The following CERS2 variants were observed in gnomAD, a reference collection of about 807,000 sequenced individuals.
CERS2 encodes LAG1 homolog, ceramide synthase 2.
A neutral mutation model predicts 56.6 loss-of-function variants in CERS2; 20 were observed. The observed-to-expected ratio is 0.35, with a 90% CI of 0.25 to 0.51. The LOEUF (loss-of-function observed/expected upper bound fraction) is 0.51, where lower values mean the gene tolerates loss of function less well. CERS2 is among the 20% of genes least tolerant of loss of function. CERS2 has a pLI of 0.96. For missense variants in CERS2, 361 were observed against 488.6 expected (o/e 0.74, Z 2.46); for synonymous variants, 187 against 175.4 (o/e 1.07, Z -0.52).
chr1:150,967,080 C>G lies in CERS2; in HGVS notation c.735G>C (p.Leu245=). 1 of 1,614,054 alleles carries G rather than the reference C, an allele frequency of 6.2e-7. No individual in the cohort carries two copies. The highest frequency in any genetic ancestry group is 8.5e-7 in the Non-Finnish European group (1 of 1,179,958). The change falls in exon 8 of 11, where the codon CTG becomes CTC. Residue 245 remains leucine (L), a synonymous_variant. Coordinates refer to ENST00000368954, the MANE Select transcript of CERS2 (RefSeq NM_022075.5). ...AGATTTGAGGAAGCCTGACCTCCAG[C>G]AGGTAATCGGAAGAGTCATGCAGAG... ...IMALHDSSDY[L]LESAKMFNYA... is the part of the protein sequence containing the mutation.
chr1:150,967,661 T>C lies in CERS2; in HGVS notation c.519+3A>G, dbSNP rs1277878720. ...CCCCCACATGAGGAAGCAGAACTCA[T>C]ACCTGTATGGGATATCCCTCCCAAA... On this transcript the variant is annotated splice_donor_region_variant and intron_variant, in intron 6 of 10. Coordinates refer to ENST00000368954, the MANE Select transcript of CERS2 (RefSeq NM_022075.5). The C allele has an allele frequency of 4.3e-6, 7 of 1,611,944 alleles. No homozygotes were observed. The highest frequency in any genetic ancestry group is 3.3e-5 in the Admixed American group (2 of 60,000).
intron 1 of CERS2, 116 bp from the exon 2 acceptor site, chr1:150,969,207 A>G: frequency 1.2e-6 from 1 of 829,750 alleles, no homozygotes; most frequent in Non-Finnish European, 1.9e-6. Context: ...GTCGAACTCT[A>G]GATCCCTATC....
Position 150,968,234 on chromosome 1 carries a change from T to A in CERS2, c.292-33A>T, listed in dbSNP as rs1325810596. Reference sequence around the variant, plus strand: ...CAGTGAAGAAGCCCATTGTTATGTTTACCTTCGGAACTCAGCAGCATCCCC... The same window carrying A: ...CAGTGAAGAAGCCCATTGTTATGTTAACCTTCGGAACTCAGCAGCATCCCC... On this transcript the variant is annotated intron_variant, in intron 3 of 10. Coordinates refer to ENST00000368954, the MANE Select transcript of CERS2 (RefSeq NM_022075.5). The A allele has an allele frequency of 8.8e-6, 14 of 1,598,046 alleles. No individual in the cohort carries two copies. The South Asian group carries it at 1.2e-4, about 14-fold the overall frequency.
At chr1:150,968,262 C>G in intron 3 of CERS2, 61 bp from the exon 4 acceptor site, 2 of 1,544,094 alleles carry the variant, frequency 1.3e-6, no homozygotes, top group South Asian at 2.2e-5. Context: ...GCATCCCCAG[C>G]CTCTCCCAGT....
At chr1:150,971,616 G>A (rs1175383943) in intron 1 of CERS2, among the ~76,000 whole-genome samples, 2 of 151,996 alleles carry the variant, frequency 1.3e-5, no homozygotes, top group East Asian at 1.9e-4. Flanking sequence ...ACAGATGGAA[G>A]CCTTCTGAAC....
At chr1:150,968,267 C>T (rs587677688) in intron 3 of CERS2, 66 bp from the exon 4 acceptor site, 2 of 1,531,268 alleles carry the variant, frequency 1.3e-6, no homozygotes, top group East Asian at 4.5e-5. Context: ...CCCAGCCTCT[C>T]CCAGTAACAA....
rs3835665 is a variant in CERS2, at chr1:150,965,488, AAGG to A, written c.*657_*659del. On this transcript the variant is annotated 3_prime_UTR_variant, in exon 11 of 11. Transcript: ENST00000368954. ...GAGGGAAGGGGGAAGAGGCCAGAGA[AAGG>A]AGGAGGCAGTCAGATCTTAGACCTG... The A allele has an allele frequency of 0.34, 51,716 of 152,354 alleles. 9,269 individuals are homozygous for A. The highest frequency in any genetic ancestry group is 0.51 in the South Asian group (2,458 of 4,818). 9.4% of individuals were successfully genotyped at this position (152,354 alleles called of 1,614,324 possible).
chr1:150,970,688 T>A (rs1399447254), intron 1 of CERS2, among the ~76,000 whole-genome samples: 1 of 149,922 alleles, frequency 6.7e-6, no homozygotes, highest in Non-Finnish European at 1.5e-5. Flanking sequence ...AATTTTTGAA[T>A]TTTTTTTTTG....
At chr1:150,968,836 T>G (rs1184042569) in intron 2 of CERS2, 82 bp downstream of exon 2, 4 of 1,378,072 alleles carry the variant, frequency 2.9e-6, no homozygotes, top group Non-Finnish European at 4.0e-6. Flanking sequence ...AAGGGCTAAT[T>G]AAACAGCAAG....
At position 150,966,325 on chromosome 1, in the gene CERS2, T is replaced by G. The variant is rs1235483529; in HGVS notation, c.1003-37A>C. 1.9e-6 allele frequency: 3 copies of G among 1,608,370 alleles called. No individual in the cohort carries two copies. The South Asian group carries it at 3.3e-5, about 18-fold the overall frequency. ...GGACAAGAAGGGTTATTACATGAGA[T>G]CCTCAAACCCCTAAGTACTGCTTCT... On this transcript the variant is annotated intron_variant, in intron 10 of 10. Transcript: ENST00000368954.
At chr1:150,972,068 G>T in intron 1 of CERS2, 1 of 373,490 alleles carries the variant, frequency 2.7e-6, no homozygotes, top group South Asian at 2.0e-5. Context: ...CTGCAAAACA[G>T]GGGGTGGGGG....
intron 6 of CERS2, 56 bp from the exon 7 acceptor site, chr1:150,967,540 A>G (rs1438146322): frequency 2.7e-5 from 38 of 1,394,338 alleles, no homozygotes; most frequent in Admixed American, 3.4e-5. Context: ...CCCACTCCAC[A>G]AACCCCCTAG....
Position 150,966,164 on chromosome 1 carries a change from T to C in CERS2, c.1127A>G (p.His376Arg). ...AGTAATGGTTCAGTCATTCTTACGA[T>C]GGTTGTTATTGAGGATGGGGTGGCC... ...ANGHPILNNN[H>R]RKND Residue 376 changes from histidine (H) to arginine (R), a missense_variant, in exon 11 of 11, where the codon CAT (histidine) becomes CGT (arginine). Physicochemically the swap from His to Arg is conservative, Grantham distance 29. Around this residue, in one of 3 missense-constraint regions of CERS2, gnomAD observed 122 missense variants for 151.9 expected, o/e 0.80. Transcript: ENST00000368954. 1.2e-6 allele frequency: 2 copies of C among 1,609,132 alleles called. No homozygotes were observed. The highest frequency in any genetic ancestry group is 1.7e-6 in the Non-Finnish European group (2 of 1,178,744).
chr1:150,969,805 G>A (rs587742237), intron 1 of CERS2, among the ~76,000 whole-genome samples: 5 of 152,126 alleles, frequency 3.3e-5, no homozygotes, highest in Admixed American at 1.3e-4. Flanking sequence ...CCACTTCCTC[G>A]AGCCTCCAAG....
rs746609596 is a variant in CERS2 at position 150,967,644 on chromosome 1, T to A, written c.519+20A>T. On this transcript the variant is annotated intron_variant, in intron 6 of 10. Transcript: ENST00000368954. ...GGGTGTGTCTTAGTCCACCCCCACA[T>A]GAGGAAGCAGAACTCATACCTGTAT... is the stretch of plus-strand genomic sequence containing the variant. 18 of 1,604,488 alleles carry A rather than the reference T, an allele frequency of 1.1e-5. No individual in the cohort carries two copies. Among genetic ancestry groups the A allele is most frequent in the Non-Finnish European group, 1.5e-5 (18 of 1,171,302 alleles).
At position 150,967,077 on chromosome 1, in the gene CERS2, C is replaced by A; in HGVS notation, c.738G>T (p.Leu246=). 1 of 1,614,060 alleles carries A rather than the reference C, an allele frequency of 6.2e-7. No individual in the cohort carries two copies. Among genetic ancestry groups the A allele is most frequent in the Non-Finnish European group, 8.5e-7 (1 of 1,179,960 alleles). The change falls in exon 8 of 11, where the codon CTG becomes CTT. Residue 246 remains leucine (L), a synonymous_variant. Coordinates refer to ENST00000368954, the MANE Select transcript of CERS2 (RefSeq NM_022075.5). ...MALHDSSDYL[L]ESAKMFNYAG... is the part of the protein sequence containing the mutation. ...TCTAGATTTGAGGAAGCCTGACCTC[C>A]AGCAGGTAATCGGAAGAGTCATGCA... is the stretch of plus-strand genomic sequence containing the variant.
intron 5 of CERS2, 23 bp from the exon 6 acceptor site, chr1:150,967,737 TAAAAG>T: frequency 1.9e-6 from 3 of 1,613,220 alleles, no homozygotes; most frequent in Non-Finnish European, 2.5e-6. Flanking sequence ...GGTGAGAAGT[TAAAAG>T]AGGAGGAACC....
chr1:150,970,306 G>A (rs587693679), intron 1 of CERS2, among the ~76,000 whole-genome samples: 1 of 150,794 alleles, frequency 6.6e-6, no homozygotes, highest in Admixed American at 6.6e-5. Context: ...ACAATCACTG[G>A]ACATCGAACT....
At chr1:150,970,341 TGCCAA>T (rs1671147983) in intron 1 of CERS2, among the ~76,000 whole-genome samples, 1 of 151,016 alleles carries the variant, frequency 6.6e-6, no homozygotes, top group South Asian at 2.1e-4. Flanking sequence ...TGACACTCCA[TGCCAA>T]GCCATCTAGT....
Sources: gnomAD v4.1 joint callset for allele counts (sites outside exome capture counted in the v4.1 genomes callset) on GRCh38, gnomAD v4.1.1 for gene constraint, gnomAD v4.1.1 regional missense constraint, MANE v1.5 for transcripts, NCBI Gene and HGNC (gene_info 2026-07-23, HGNC 2026-07-21) for gene names.